KIF6: variants seen among roughly 807,000 people sequenced by gnomAD.
KIF6 encodes the protein kinesin-like protein KIF6.
KIF6 carries 106 observed loss-of-function variants against 112.7 expected under a neutral mutation model. That is an observed-to-expected ratio of 0.94 (90% CI 0.80 to 1.11). KIF6 has a LOEUF of 1.11. Ranked by LOEUF, KIF6 falls within the 50% of genes least tolerant of loss-of-function variation. The pLI, the probability that KIF6 is intolerant of heterozygous loss-of-function variation, is 0.00. For missense variants in KIF6, 929 were observed against 964.0 expected (o/e 0.96, Z 0.48); for synonymous variants, 339 against 339.9 (o/e 1.00, Z 0.03).
intron 13 of KIF6, among the ~76,000 whole-genome samples, chr6:39,497,382 G>C (rs1035102136): frequency 2.0e-5 from 3 of 152,226 alleles, no homozygotes; most frequent in Admixed American, 2.0e-4. Context: ...CATTAGCCAA[G>C]TCTGGGGAAG....
At chr6:39,573,768 G>T (rs1246081615) in intron 10 of KIF6, among the ~76,000 whole-genome samples, 1 of 152,106 alleles carries the variant, frequency 6.6e-6, no homozygotes, top group African/African-American at 2.4e-5. Context: ...CATTCTCGTT[G>T]TATTTTGTTT....
At chr6:39,717,234 G>GCCTCATGCTTACTCTACT (rs1170983076) in intron 2 of KIF6, among the ~76,000 whole-genome samples, 12 of 151,920 alleles carry the variant, frequency 7.9e-5, no homozygotes, top group African/African-American at 1.7e-4. Flanking sequence ...CCATTCTGCT[G>GCCTCATGCTTACTCTACT]CCTCATGCTT....
At chr6:39,499,599 C>A (rs538239396) in intron 13 of KIF6, among the ~76,000 whole-genome samples, 1 of 152,280 alleles carries the variant, frequency 6.6e-6, no homozygotes, top group South Asian at 2.1e-4. Context: ...TAAAAAACCT[C>A]TTCAAAAATC....
intron 18 of KIF6, among the ~76,000 whole-genome samples, chr6:39,359,656 G>C (rs1410278696): frequency 6.6e-6 from 1 of 152,156 alleles, no homozygotes; most frequent in Non-Finnish European, 1.5e-5. Flanking sequence ...GTCTATCACT[G>C]CTCACTGCAG....
chr6:39,647,155 T>C (rs1785208166), intron 3 of KIF6, among the ~76,000 whole-genome samples: 1 of 152,214 alleles, frequency 6.6e-6, no homozygotes, highest in Non-Finnish European at 1.5e-5. Context: ...AATCTTCTCA[T>C]TGGTTAAGCC....
intron 10 of KIF6, among the ~76,000 whole-genome samples, chr6:39,572,190 A>G (rs778064907): frequency 6.6e-6 from 1 of 152,194 alleles, no homozygotes; most frequent in Non-Finnish European, 1.5e-5. Flanking sequence ...AAAAACTAAT[A>G]TGGGTAGAAT....
rs149165578 is a variant in KIF6 at position 39,720,634 on chromosome 6, T to G, written c.176+68A>C. 330 of 814,200 alleles carry G rather than the reference T, an allele frequency of 4.1e-4. 2 individuals carry two copies. The African/African-American group carries it at 4.6e-3, about 11-fold the overall frequency. 50.4% of individuals were successfully genotyped at this position (814,200 alleles called of 1,614,324 possible). On this transcript the variant is annotated intron_variant, in intron 2 of 22. Transcript: ENST00000287152. ...ATGGTGCTAATGATTTCACAATGAA[T>G]ATTAATGCAGTACAAGAGTTAGTTC...
At chr6:39,679,457 A>G (rs160030) in intron 3 of KIF6, among the ~76,000 whole-genome samples, 134,750 of 152,102 alleles carry the variant, frequency 0.89, 60,254 homozygotes, top group East Asian at 0.97. Context: ...TGTCCAGTAG[A>G]ATTTTAGATC....
At chr6:39,612,501 C>A (rs1429368490) in intron 6 of KIF6, among the ~76,000 whole-genome samples, 1 of 152,136 alleles carries the variant, frequency 6.6e-6, no homozygotes, top group African/African-American at 2.4e-5. Context: ...CAAGCTGGGT[C>A]AATCCTAGCT....
intron 16 of KIF6, among the ~76,000 whole-genome samples, chr6:39,369,766 C>T (rs889555298): frequency 6.6e-5 from 10 of 152,192 alleles, no homozygotes; most frequent in African/African-American, 2.4e-4. Flanking sequence ...GAAGACATTC[C>T]TAATCTTATT....
intron 3 of KIF6, 116 bp downstream of exon 3, chr6:39,714,576 T>C (rs1582513415): frequency 4.5e-6 from 3 of 671,756 alleles, no homozygotes; most frequent in East Asian, 5.4e-5. Context: ...CATCATTACA[T>C]GTCCTGCAGC....
At chr6:39,425,987 G>A (rs1770736966) in intron 14 of KIF6, among the ~76,000 whole-genome samples, 1 of 152,120 alleles carries the variant, frequency 6.6e-6, no homozygotes, top group Non-Finnish European at 1.5e-5. Flanking sequence ...GTGAAGGGGT[G>A]CTTTGCTTTG....
intron 14 of KIF6, among the ~76,000 whole-genome samples, chr6:39,422,247 T>A (rs928071755): frequency 2.0e-5 from 3 of 152,066 alleles, no homozygotes; most frequent in Non-Finnish European, 4.4e-5. Context: ...GCCCAGAGAA[T>A]CCCTGACAAG....
intron 14 of KIF6, among the ~76,000 whole-genome samples, chr6:39,420,719 C>A (rs563250104): frequency 2.0e-5 from 3 of 152,126 alleles, no homozygotes; most frequent in Non-Finnish European, 4.4e-5. Context: ...ACATTGGATA[C>A]ACGTATCCAC....
intron 19 of KIF6, among the ~76,000 whole-genome samples, chr6:39,347,892 C>A (rs1274424929): frequency 6.6e-6 from 1 of 152,276 alleles, no homozygotes; most frequent in Non-Finnish European, 1.5e-5. Context: ...GAAGCCCCCC[C>A]TCACCCACCA....
At chr6:39,516,267 A>G (rs531239292) in intron 13 of KIF6, among the ~76,000 whole-genome samples, 3 of 151,772 alleles carry the variant, frequency 2.0e-5, no homozygotes, top group African/African-American at 7.2e-5. Context: ...ATCCAGATAC[A>G]GTCACATAAA....
intron 3 of KIF6, among the ~76,000 whole-genome samples, chr6:39,670,352 AT>A (rs1786737754): frequency 6.6e-6 from 1 of 152,268 alleles, no homozygotes; most frequent in Non-Finnish European, 1.5e-5. Flanking sequence ...CAGAAACTTA[AT>A]TAGTAATAGC....
chr6:39,713,154 G>C (rs988937359), intron 3 of KIF6, among the ~76,000 whole-genome samples: 1 of 152,196 alleles, frequency 6.6e-6, no homozygotes, highest in Non-Finnish European at 1.5e-5. Context: ...GGAACAGCAA[G>C]AGGAAATGGT....
chr6:39,442,290 C>T (rs1316804139), intron 13 of KIF6, among the ~76,000 whole-genome samples: 1 of 152,188 alleles, frequency 6.6e-6, no homozygotes, highest in East Asian at 1.9e-4. Flanking sequence ...GGCCTGGAGC[C>T]TCTGAAAAAA....
Sources: gnomAD v4.1 joint callset for allele counts (sites outside exome capture counted in the v4.1 genomes callset) on GRCh38, gnomAD v4.1.1 for gene constraint, MANE v1.5 for transcripts, NCBI Gene and HGNC (gene_info 2026-07-23, HGNC 2026-07-21) for gene names.